GPHN: variants seen among roughly 807,000 people sequenced by gnomAD.
GPHN encodes the protein gephyrin.
Under a neutral mutation model 95.5 loss-of-function variants are expected in GPHN, and 17 were observed. The observed-to-expected ratio is 0.18, with a 90% CI of 0.12 to 0.27. GPHN has a LOEUF of 0.27. Ranked by LOEUF, GPHN falls within the 10% of genes least tolerant of loss-of-function variation. The pLI is 1.00. For synonymous variants in GPHN, 320 were observed against 322.5 expected (o/e 0.99, Z 0.08); for missense variants, 660 against 978.1 (o/e 0.67, Z 4.34).
At chr14:67,301,374 A>G in the GPHN span, 1 of 1,585,754 alleles carries the variant, frequency 6.3e-7, no homozygotes, top group South Asian at 1.1e-5. Context: ...AATAATCTTT[A>G]TTTTTGTTTC....
the GPHN span, among the ~76,000 whole-genome samples, chr14:67,268,397 T>C: frequency 6.6e-6 from 1 of 152,160 alleles, no homozygotes; most frequent in African/African-American, 2.4e-5. Context: ...GAGAAAGAAT[T>C]TGGGGCAAGT....
chr14:66,545,652 A>T (rs1373995574), intron 1 of GPHN, among the ~76,000 whole-genome samples: 1 of 121,372 alleles, frequency 8.2e-6, no homozygotes, highest in African/African-American at 3.4e-5. Context: ...CTGGCCGGGC[A>T]GAGGGGCTCC....
chr14:67,690,865 A>G, the GPHN span: 1 of 437,750 alleles, frequency 2.3e-6, no homozygotes, highest in East Asian at 4.2e-5. Context: ...CACAAGGATC[A>G]CTACTAAGAA....
At chr14:66,840,921 A>G (rs1230934903) in intron 4 of GPHN, among the ~76,000 whole-genome samples, 1 of 150,130 alleles carries the variant, frequency 6.7e-6, no homozygotes, top group African/African-American at 2.5e-5. Context: ...AGGAAGCCCC[A>G]TAAGAAGTTA....
At chr14:67,484,583 C>A in the GPHN span, among the ~76,000 whole-genome samples, 1 of 152,034 alleles carries the variant, frequency 6.6e-6, no homozygotes, top group South Asian at 2.1e-4. Flanking sequence ...GTGTAGTCAT[C>A]CGGATTCAAT....
chr14:66,519,044 T>G (rs983141904), intron 1 of GPHN, among the ~76,000 whole-genome samples: 2 of 152,062 alleles, frequency 1.3e-5, no homozygotes, highest in African/African-American at 4.8e-5. Context: ...TTATCTAATC[T>G]GATCACCATA....
the GPHN span, among the ~76,000 whole-genome samples, chr14:67,478,760 A>G: frequency 6.6e-6 from 1 of 151,746 alleles, no homozygotes; most frequent in Admixed American, 6.6e-5. Context: ...CTCTGTGAGG[A>G]CTTTCCTAAG....
chr14:66,835,632 A>G (rs940968770), intron 4 of GPHN, among the ~76,000 whole-genome samples: 35 of 152,184 alleles, frequency 2.3e-4, no homozygotes, highest in Non-Finnish European at 4.4e-4. Context: ...AGGGTATTCA[A>G]TTAGGAAAAG....
the GPHN span, among the ~76,000 whole-genome samples, chr14:67,689,836 C>A: frequency 6.6e-6 from 1 of 151,904 alleles, no homozygotes; most frequent in East Asian, 1.9e-4. Context: ...CCCAGCTACT[C>A]AGGAGGCTGA....
chr14:67,197,117 C>G, the GPHN span: 1 of 152,128 alleles, frequency 6.6e-6, no homozygotes, highest in Non-Finnish European at 1.5e-5. Flanking sequence ...TTTGTAGAGA[C>G]AAGATCTTGC....
chr14:67,101,679 A>C (rs1454727703), intron 13 of GPHN, among the ~76,000 whole-genome samples: 1 of 151,602 alleles, frequency 6.6e-6, no homozygotes, highest in Non-Finnish European at 1.5e-5. Context: ...CTTGCAATAC[A>C]TAGAAGAGCA....
chr14:66,553,667 C>G (rs944030998), intron 1 of GPHN, among the ~76,000 whole-genome samples: 1 of 152,082 alleles, frequency 6.6e-6, no homozygotes, highest in Non-Finnish European at 1.5e-5. Flanking sequence ...ACTTCTGCCT[C>G]CCGGGTTCAA....
At position 66,799,663 on chromosome 14, in the gene GPHN, A is replaced by G. The variant is rs548404116; in HGVS notation, c.201+23142A>G. ...TTTTATGTTTTTATTGGCATGGAAT[A>G]TCTTTTTCCATTCCTTTATTTTCAG... On this transcript the variant is annotated intron_variant, in intron 3 of 22. Coordinates refer to ENST00000478722, the MANE Select transcript of GPHN (RefSeq NM_020806.5). Among the ~76,000 whole-genome samples, 23 of 152,132 alleles carry G rather than the reference A, an allele frequency of 1.5e-4. No homozygotes were observed. In the South Asian group the frequency reaches 1.9e-3, roughly 12 times the overall value.
intron 2 of GPHN, among the ~76,000 whole-genome samples, chr14:66,681,831 A>G (rs1472627068): frequency 4.6e-5 from 7 of 152,112 alleles, no homozygotes; most frequent in Admixed American, 4.6e-4. Flanking sequence ...TACCTTCCCA[A>G]TAAGATCACT....
At chr14:67,209,184 G>C in the GPHN span, among the ~76,000 whole-genome samples, 1 of 152,152 alleles carries the variant, frequency 6.6e-6, no homozygotes, top group Non-Finnish European at 1.5e-5. Context: ...TAGGCATTGG[G>C]GATACAGCAG....
the GPHN span, among the ~76,000 whole-genome samples, chr14:67,235,669 C>A: frequency 2.0e-5 from 3 of 151,978 alleles, no homozygotes; most frequent in East Asian, 5.8e-4. Flanking sequence ...GAGTCGAGAT[C>A]GCGCCACTGC....
At chr14:66,846,562 C>T (rs1358899044) in intron 4 of GPHN, among the ~76,000 whole-genome samples, 1 of 151,972 alleles carries the variant, frequency 6.6e-6, no homozygotes, top group Non-Finnish European at 1.5e-5. Context: ...TTCACCTCTT[C>T]TAAGCATTAT....
chr14:66,711,564 G>A (rs1236764886), intron 2 of GPHN, among the ~76,000 whole-genome samples: 1 of 149,142 alleles, frequency 6.7e-6, no homozygotes, highest in Non-Finnish European at 1.5e-5. Context: ...CCAGTAGTGG[G>A]TTTGCTGGAT....
chr14:67,731,022 TA>T, the GPHN span, among the ~76,000 whole-genome samples: 1 of 152,182 alleles, frequency 6.6e-6, no homozygotes, highest in South Asian at 2.1e-4. Flanking sequence ...GATTGCATGC[TA>T]AAATGATTTT....
Sources: gnomAD v4.1 joint callset for allele counts (sites outside exome capture counted in the v4.1 genomes callset) on GRCh38, gnomAD v4.1.1 for gene constraint, MANE v1.5 for transcripts, NCBI Gene and HGNC (gene_info 2026-07-23, HGNC 2026-07-21) for gene names.